The following CAPN5 variants were observed in gnomAD, a reference collection of about 807,000 sequenced individuals.
The protein encoded by CAPN5 is calpain 5.
In CAPN5, 54 loss-of-function variants were observed where a neutral mutation model predicts 73.0. That is an observed-to-expected ratio of 0.74 (90% CI 0.59 to 0.93). The LOEUF is 0.93. Among genes scored for constraint, CAPN5 ranks in the 40% least tolerant of loss-of-function variants. The probability of loss-of-function intolerance (pLI) is 0.00; values close to 1 mark genes in which losing one functional copy is unlikely to be tolerated. For synonymous variants in CAPN5, 335 were observed against 356.9 expected (o/e 0.94, Z 0.69); for missense variants, 785 against 882.9 (o/e 0.89, Z 1.41).
chr11:77,067,763 CG>C (rs1269383851), intron 1 of CAPN5, among the ~76,000 whole-genome samples: 2 of 151,182 alleles, frequency 1.3e-5, no homozygotes, highest in African/African-American at 4.9e-5. Context: ...TTGGGGGTCT[CG>C]GAAGACTGGC....
intron 2 of CAPN5, among the ~76,000 whole-genome samples, chr11:77,092,158 G>A (rs1009111722): frequency 1.1e-4 from 16 of 152,212 alleles, no homozygotes; most frequent in African/African-American, 2.9e-4. Flanking sequence ...GGTTGAGGCT[G>A]CAGTGAGCTG....
intron 3 of CAPN5, among the ~76,000 whole-genome samples, chr11:77,105,189 T>C (rs561757094): frequency 6.6e-6 from 1 of 151,528 alleles, no homozygotes; most frequent in African/African-American, 2.4e-5. Context: ...AGGTCCCCAA[T>C]AAAGCCTGTG....
intron 3 of CAPN5, among the ~76,000 whole-genome samples, chr11:77,105,237 C>G (rs1342179154): frequency 6.6e-6 from 1 of 152,006 alleles, no homozygotes; most frequent in Non-Finnish European, 1.5e-5. Context: ...CGCCATCAGC[C>G]CCCATCCCTT....
chr11:77,103,374 C>A, intron 3 of CAPN5: 1 of 1,560,454 alleles, frequency 6.4e-7, no homozygotes. Context: ...CACCTGTGCT[C>A]TCCCCTGCCC....
At chr11:77,092,485 C>T (rs1950157804) in intron 2 of CAPN5, among the ~76,000 whole-genome samples, 1 of 152,208 alleles carries the variant, frequency 6.6e-6, no homozygotes, top group Non-Finnish European at 1.5e-5. Flanking sequence ...GTGCAGAGGG[C>T]ACCTGGTACT....
Position 77,088,022 on chromosome 11 carries a change from C to T in CAPN5, c.165+2971C>T, listed in dbSNP as rs1555035856. The T allele has an allele frequency of 7.2e-6, 11 of 1,536,002 alleles. 1 individual carries two copies. The highest frequency in any genetic ancestry group is 4.8e-5 in the South Asian group (4 of 84,058). ...TGGAGAATGTCCCCAGGCCTGGGAG[C>T]TCAGGGTGTCCGTCCTCCTCGCTCA... is the stretch of plus-strand genomic sequence containing the variant. On this transcript the variant is annotated intron_variant, in intron 2 of 12. Transcript: ENST00000648180.
At position 77,093,837 on chromosome 11, in the gene CAPN5, AG is replaced by A. The variant is rs1194936188; in HGVS notation, c.297+27del. ...AGGTGAGGCCTCGGGCAGAGTGGGC[AG>A]GGTGCTGGGGAGTGTGAACGCAGCC... is the stretch of plus-strand genomic sequence containing the variant. On this transcript the variant is annotated intron_variant, in intron 3 of 12. Coordinates refer to ENST00000648180, the MANE Select transcript of CAPN5 (RefSeq NM_004055.5). 4 of 1,605,794 alleles carry A rather than the reference AG, an allele frequency of 2.5e-6. No individual in the cohort carries two copies. The Admixed American group carries it at 6.7e-5, about 27-fold the overall frequency.
Position 77,093,717 on chromosome 11 carries a change from C to T in CAPN5, c.201C>T (p.Gly67=), listed in dbSNP as rs781891405. 22 of 1,609,204 alleles carry T rather than the reference C, an allele frequency of 1.4e-5. No homozygotes were observed. The highest frequency in any genetic ancestry group is 1.6e-4 in the Middle Eastern group (1 of 6,082). ...AGGACCCCCGCCTCTTTGTGGATGGCATCAGCTCCCACGACCTGCACCAGG... is the reference window on the plus strand; with the variant it reads ...AGGACCCCCGCCTCTTTGTGGATGGTATCAGCTCCCACGACCTGCACCAGG... ...ICEDPRLFVD[G]ISSHDLHQGQ... Residue 67 remains glycine (G), a synonymous_variant, in exon 3 of 13, where the codon GGC becomes GGT. Coordinates refer to ENST00000648180, the MANE Select transcript of CAPN5 (RefSeq NM_004055.5).
chr11:77,087,347 G>A (rs549115195), intron 2 of CAPN5, among the ~76,000 whole-genome samples: 7 of 152,308 alleles, frequency 4.6e-5, no homozygotes, highest in African/African-American at 1.7e-4. Context: ...CAGTGAGAGG[G>A]AACTTTGGCC....
intron 2 of CAPN5, among the ~76,000 whole-genome samples, chr11:77,091,465 C>T (rs970950779): frequency 6.6e-6 from 1 of 152,236 alleles, no homozygotes; most frequent in Non-Finnish European, 1.5e-5. Flanking sequence ...GGTATTACAC[C>T]TCCCTGGGCC....
rs936971145 is a variant in CAPN5 at position 77,081,657 on chromosome 11, C to T, written c.-35-3195C>T. On this transcript the variant is annotated intron_variant, in intron 1 of 12. Transcript: ENST00000648180. ...GACCATGCAGACCAGTGAGGTAATG[C>T]GGCCTGCTCAGGACAGCGGGGGCCT... Among the ~76,000 whole-genome samples, 7 of 152,168 alleles carry T rather than the reference C, an allele frequency of 4.6e-5. No homozygotes were observed. In the South Asian group the frequency reaches 6.2e-4, roughly 13 times the overall value.
At chr11:77,116,778 G>T (rs1214111423) in intron 7 of CAPN5, among the ~76,000 whole-genome samples, 3 of 152,238 alleles carry the variant, frequency 2.0e-5, no homozygotes, top group Non-Finnish European at 4.4e-5. Flanking sequence ...GGTAGCAGAG[G>T]CTCCTAGAGG....
chr11:77,093,172 G>A (rs565876824), intron 2 of CAPN5, among the ~76,000 whole-genome samples: 1 of 152,296 alleles, frequency 6.6e-6, no homozygotes, highest in African/African-American at 2.4e-5. Flanking sequence ...TGCGGGGCCT[G>A]GCCCACCGCT....
chr11:77,088,828 A>T (rs1950119483), intron 2 of CAPN5, among the ~76,000 whole-genome samples: 1 of 152,104 alleles, frequency 6.6e-6, no homozygotes, highest in Non-Finnish European at 1.5e-5. Context: ...CCACGAAGGG[A>T]GAAGGGAGGT....
At chr11:77,085,130 G>C in intron 2 of CAPN5, 79 bp downstream of exon 2, 2 of 1,308,612 alleles carry the variant, frequency 1.5e-6, no homozygotes, top group Non-Finnish European at 2.2e-6. Flanking sequence ...GGACATCGGG[G>C]TGGTGGGAGG....
Position 77,122,489 on chromosome 11 carries a change from C to T in CAPN5, c.1604-87C>T, listed in dbSNP as rs544930111. The T allele has an allele frequency of 2.1e-3, 2,348 of 1,137,344 alleles. 43 individuals carry two copies. The highest frequency in any genetic ancestry group is 0.017 in the Middle Eastern group (77 of 4,438). The allele number at this position is 1,137,344 out of a possible 1,614,324, so 70.5% of individuals were successfully genotyped here. A position where few individuals can be genotyped will look rare whatever the true frequency, so the allele number is the denominator to read the frequency against. On this transcript the variant is annotated intron_variant, in intron 11 of 12. Coordinates refer to ENST00000648180, the MANE Select transcript of CAPN5 (RefSeq NM_004055.5). ...AGTCTCTCCATCTGAATAACTGAGC[C>T]GGGTGGGCATCTCACCTGTAGATAT... is the stretch of plus-strand genomic sequence containing the variant.
At chr11:77,094,891 CAG>C (rs1348953976) in intron 3 of CAPN5, among the ~76,000 whole-genome samples, 3 of 152,368 alleles carry the variant, frequency 2.0e-5, no homozygotes, top group African/African-American at 7.2e-5. Flanking sequence ...CTGTGCAAGA[CAG>C]AGTTTTTCCT....
chr11:77,072,015 T>C (rs538465169), intron 1 of CAPN5, among the ~76,000 whole-genome samples: 2 of 152,312 alleles, frequency 1.3e-5, no homozygotes, highest in East Asian at 3.9e-4. Context: ...GGGGCCTGCC[T>C]ATAGCCTGGC....
At chr11:77,077,242 A>G (rs190152240) in intron 1 of CAPN5, among the ~76,000 whole-genome samples, 1 of 152,192 alleles carries the variant, frequency 6.6e-6, no homozygotes, top group Admixed American at 6.5e-5. Context: ...CTGTAGTCCC[A>G]GCTACTTGGG....
Sources: allele counts gnomAD v4.1 joint callset (sites outside exome capture counted in the v4.1 genomes callset), GRCh38; gene constraint gnomAD v4.1.1; transcripts MANE v1.5; gene names NCBI Gene and HGNC (gene_info 2026-07-23, HGNC 2026-07-21).